The following FRMD4B variants were observed in gnomAD, a reference collection of about 807,000 sequenced individuals.
FRMD4B encodes the protein FERM domain-containing protein 4B.
A neutral mutation model predicts 141.5 loss-of-function variants in FRMD4B; 74 were observed. The ratio of observed to expected loss-of-function variants is 0.52; its 90% CI spans 0.43 to 0.63. The LOEUF is 0.63. FRMD4B is among the 30% of genes least tolerant of loss of function. The pLI is 0.00. For synonymous variants in FRMD4B, 506 were observed against 467.9 expected, an observed-to-expected ratio of 1.08 and a Z score of -1.05; for missense variants, 1,366 against 1,253.4, an observed-to-expected ratio of 1.09 and a Z score of -1.36.
chr3:69,188,119 A>T (rs2092790236), intron 18 of FRMD4B, among the ~76,000 whole-genome samples: 1 of 152,118 alleles, frequency 6.6e-6, no homozygotes. Context: ...AATACTGAAC[A>T]CTCTTCTGGG....
chr3:69,222,938 CTT>C (rs1486077151), intron 8 of FRMD4B, among the ~76,000 whole-genome samples: 5 of 152,206 alleles, frequency 3.3e-5, no homozygotes, highest in African/African-American at 1.2e-4. Flanking sequence ...CCTATCCTCT[CTT>C]TGGTTAAAAC....
At chr3:69,455,325 A>G (rs1575808031) in intron 1 of FRMD4B, among the ~76,000 whole-genome samples, 1 of 152,216 alleles carries the variant, frequency 6.6e-6, no homozygotes, top group Non-Finnish European at 1.5e-5. Flanking sequence ...CACTCTTTGC[A>G]ATAAATTTTT....
At chr3:69,307,822 C>T (rs1701443549) in intron 3 of FRMD4B, among the ~76,000 whole-genome samples, 1 of 152,274 alleles carries the variant, frequency 6.6e-6, no homozygotes, top group Admixed American at 6.5e-5. Flanking sequence ...AAGTCAAAGC[C>T]GCATTCCTCC....
chr3:69,175,372 A>C (rs2107568757), intron 22 of FRMD4B, among the ~76,000 whole-genome samples: 1 of 152,360 alleles, frequency 6.6e-6, no homozygotes, highest in East Asian at 1.9e-4. Context: ...GAATTTTTTT[A>C]AAAACTAATT....
chr3:69,327,640 T>C (rs927537375), intron 1 of FRMD4B, among the ~76,000 whole-genome samples: 2 of 152,230 alleles, frequency 1.3e-5, no homozygotes, highest in African/African-American at 4.8e-5. Flanking sequence ...AAATAAGTCC[T>C]CCTTAGGGAG....
intron 1 of FRMD4B, among the ~76,000 whole-genome samples, chr3:69,527,792 G>T (rs1359214557): frequency 6.6e-6 from 1 of 152,116 alleles, no homozygotes; most frequent in African/African-American, 2.4e-5. Flanking sequence ...CACCCAATTA[G>T]AATACAAATT....
chr3:69,322,971 A>C (rs1303214936), intron 1 of FRMD4B: 14 of 883,544 alleles, frequency 1.6e-5, no homozygotes, highest in Non-Finnish European at 1.9e-5. Flanking sequence ...AGTTGGGTAG[A>C]ATCTCAGGTT....
At position 69,219,328 on chromosome 3, in the gene FRMD4B, G is replaced by A. The variant is rs886380758; in HGVS notation, c.732-949C>T. ...AAGGAACTGAGGCTCCTGTTTTAACGCAAGTAGACTTTTTAATGACATTTT... is the reference window on the plus strand; with the variant it reads ...AAGGAACTGAGGCTCCTGTTTTAACACAAGTAGACTTTTTAATGACATTTT... On this transcript the variant is annotated intron_variant, in intron 9 of 22. Transcript: ENST00000398540. Among the ~76,000 whole-genome samples the A allele has an allele frequency of 5.1e-4, 77 of 150,970 alleles. 1 individual carries two copies. Among genetic ancestry groups the A allele is most frequent in the African/African-American group, 1.4e-3 (59 of 41,066 alleles).
intron 7 of FRMD4B, among the ~76,000 whole-genome samples, chr3:69,231,004 C>A (rs143637833): frequency 5.3e-5 from 8 of 152,208 alleles, no homozygotes; most frequent in Non-Finnish European, 1.0e-4. Context: ...AACAATCACA[C>A]ATAGGTGATA....
intron 1 of FRMD4B, among the ~76,000 whole-genome samples, chr3:69,456,849 C>T: frequency 6.6e-6 from 1 of 151,998 alleles, no homozygotes; most frequent in East Asian, 1.9e-4. Flanking sequence ...CAGCCACACT[C>T]TTTCTTTTAC....
chr3:69,438,596 G>C lies in FRMD4B; in HGVS notation c.-128-5835C>G, dbSNP rs558152560. Among the ~76,000 whole-genome samples the C allele has an allele frequency of 5.3e-5, 8 of 152,304 alleles. No individual in the cohort carries two copies. In the South Asian group the frequency reaches 1.7e-3, roughly 32 times the overall value. The stretch of plus-strand genomic sequence containing the variant: ...TGACAATTTCAATACTTGGAAGGCA[G>C]AGGATGCTACAAGGGGAAGTGTTCA... On this transcript the variant is annotated intron_variant, in intron 1 of 5. Coordinates refer to the FRMD4B transcript ENST00000459638.
intron 1 of FRMD4B, among the ~76,000 whole-genome samples, chr3:69,498,019 G>C (rs1258854311): frequency 6.6e-6 from 1 of 152,162 alleles, no homozygotes; most frequent in Non-Finnish European, 1.5e-5. Flanking sequence ...TTTTTAAATT[G>C]CACGTATACC....
chr3:69,412,757 A>G (rs900871409), intron 2 of FRMD4B, among the ~76,000 whole-genome samples: 12 of 150,666 alleles, frequency 8.0e-5, no homozygotes, highest in African/African-American at 2.4e-4. Context: ...TTAATTCGTC[A>G]TGTTGAGTGC....
intron 19 of FRMD4B, among the ~76,000 whole-genome samples, chr3:69,185,603 A>G (rs945175337): frequency 6.6e-6 from 1 of 152,238 alleles, no homozygotes; most frequent in African/African-American, 2.4e-5. Flanking sequence ...TGATGAACCC[A>G]AAGAAGTTAT....
chr3:69,538,335 T>A (rs1419847695), intron 1 of FRMD4B, among the ~76,000 whole-genome samples: 1 of 152,222 alleles, frequency 6.6e-6, no homozygotes, highest in East Asian at 1.9e-4. Flanking sequence ...TGCATATACA[T>A]AATACCCTAA....
chr3:69,349,352 T>G (rs1703055893), intron 1 of FRMD4B, among the ~76,000 whole-genome samples: 1 of 152,230 alleles, frequency 6.6e-6, no homozygotes, highest in Non-Finnish European at 1.5e-5. Context: ...GAACATTCCA[T>G]GCTCATGGAT....
intron 7 of FRMD4B, among the ~76,000 whole-genome samples, chr3:69,234,386 CT>C: frequency 6.6e-6 from 1 of 152,252 alleles, no homozygotes; most frequent in South Asian, 2.1e-4. Context: ...TAAAAAGGAT[CT>C]TGGTTACTAT....
chr3:69,393,403 C>G lies in FRMD4B; in HGVS notation c.-1+39231G>C, dbSNP rs145677819. Among the ~76,000 whole-genome samples, 382 of 150,790 alleles carry G rather than the reference C, an allele frequency of 2.5e-3. 3 individuals carry two copies. Among genetic ancestry groups the G allele is most frequent in the African/African-American group, 8.8e-3 (360 of 41,060 alleles). On this transcript the variant is annotated intron_variant, in intron 2 of 5. Coordinates refer to the FRMD4B transcript ENST00000459638. ...CATTTTTACTAGTTAATCAACTGAG[C>G]AGACATTGGAAATTCCTGCCAGATC...
chr3:69,265,317 C>T, intron 5 of FRMD4B, among the ~76,000 whole-genome samples: 2 of 114,066 alleles, frequency 1.8e-5, no homozygotes, highest in African/African-American at 7.0e-5. Flanking sequence ...TATATATATG[C>T]AGATATGAAA....
Sources: allele counts gnomAD v4.1 joint callset (sites outside exome capture counted in the v4.1 genomes callset), GRCh38; gene constraint gnomAD v4.1.1; transcripts MANE v1.5; gene names NCBI Gene and HGNC (gene_info 2026-07-23, HGNC 2026-07-21).